Variants in THOC7 observed in about 807,000 individuals in gnomAD.
The protein encoded by THOC7 is NIF3L1-binding protein 1.
In THOC7, 22 loss-of-function variants were observed where a neutral mutation model predicts 33.1. The ratio of observed to expected loss-of-function variants is 0.66; its 90% CI spans 0.47 to 0.95. The LOEUF is 0.95. Ranked by LOEUF, THOC7 falls within the 40% of genes least tolerant of loss-of-function variation. THOC7 has a pLI of 0.00. For missense variants in THOC7, 184 were observed against 245.3 expected (o/e 0.75, Z 1.67); for synonymous variants, 77 against 76.8 (o/e 1.00, Z -0.01).
At chr3:63,849,008 T>C (rs1701966823) in intron 1 of THOC7, among the ~76,000 whole-genome samples, 1 of 152,264 alleles carries the variant, frequency 6.6e-6, no homozygotes, top group African/African-American at 2.4e-5. Context: ...ACAAAGAATC[T>C]GTTCTCTTTA....
chr3:63,863,870 A>C, upstream of THOC7: 6 of 1,182,008 alleles, frequency 5.1e-6, no homozygotes, highest in Non-Finnish European at 5.2e-6. Context: ...AACTCCCACA[A>C]TGCAGCCGGG....
chr3:63,848,709 C>A (rs1260711451), intron 1 of THOC7: 1 of 152,126 alleles, frequency 6.6e-6, no homozygotes, highest in Non-Finnish European at 1.5e-5. Flanking sequence ...TCAAACAGAG[C>A]ACGAATTAAT....
chr3:63,841,625 A>T (rs928006186), intron 1 of THOC7, among the ~76,000 whole-genome samples: 1 of 152,216 alleles, frequency 6.6e-6, no homozygotes, highest in Non-Finnish European at 1.5e-5. Context: ...TCTCAGAGTC[A>T]TGGCTTTGAC....
chr3:63,839,067 A>C (rs1258299043), intron 2 of THOC7, among the ~76,000 whole-genome samples: 1 of 152,078 alleles, frequency 6.6e-6, no homozygotes, highest in Admixed American at 6.5e-5. Context: ...TTGCATGCCT[A>C]TAATCCCAGC....
intron 1 of THOC7, chr3:63,863,452 G>C (rs546724768): frequency 2.3e-5 from 26 of 1,137,104 alleles, no homozygotes; most frequent in Non-Finnish European, 2.8e-5. Flanking sequence ...GCTTCTAGCC[G>C]TCTCGGCCAC....
In THOC7 at chr3:63,834,077, A is replaced by G; in HGVS notation, c.*55T>C. On this transcript the variant is annotated 3_prime_UTR_variant, in exon 8 of 8. Transcript: ENST00000295899. Reference sequence around the variant, plus strand: ...CAAGAGCATACCACATTTTAAACACATTATGGTCATGTAGCTATTTCAATA... The same window carrying G: ...CAAGAGCATACCACATTTTAAACACGTTATGGTCATGTAGCTATTTCAATA... 6.3e-7 allele frequency: 1 copy of G among 1,579,854 alleles called. No individual in the cohort carries two copies. The highest frequency in any genetic ancestry group is 8.7e-7 in the Non-Finnish European group (1 of 1,150,542).
upstream of THOC7, among the ~76,000 whole-genome samples, chr3:63,864,158 G>A (rs1286088320): frequency 6.7e-6 from 1 of 149,750 alleles, no homozygotes; most frequent in Non-Finnish European, 1.5e-5. Context: ...CCAGCCGCCA[G>A]GTGAGCTCGC....
intron 3 of THOC7, 70 bp from the exon 4 acceptor site, chr3:63,838,132 T>A: frequency 7.1e-7 from 1 of 1,409,212 alleles, no homozygotes; most frequent in Non-Finnish European, 9.7e-7. Context: ...TTAAAACGCA[T>A]TTATAAATTA....
chr3:63,857,249 C>T (rs1025585484), intron 1 of THOC7, among the ~76,000 whole-genome samples: 3 of 152,146 alleles, frequency 2.0e-5, no homozygotes, highest in African/African-American at 7.2e-5. Context: ...CTTGAATTTA[C>T]TGACATGTAG....
intron 2 of THOC7, 107 bp downstream of exon 2, chr3:63,839,549 C>A: frequency 1.1e-6 from 1 of 915,362 alleles, no homozygotes; most frequent in Non-Finnish European, 1.8e-6. Flanking sequence ...GTTGACTCCA[C>A]TGTACATTTA....
rs572379048 is a variant in THOC7 at position 63,844,957 on chromosome 3, A to G, written c.20-5184T>C. The G allele has an allele frequency of 6.3e-5, 39 of 614,798 alleles. No individual in the cohort carries two copies. The South Asian group carries it at 7.3e-4, about 11-fold the overall frequency. The allele number at this position is 614,798 out of a possible 1,614,324, so 38.1% of individuals were successfully genotyped here. A position where few individuals can be genotyped will look rare whatever the true frequency, so the allele number is the denominator to read the frequency against. ...AATGTGGAAGCGGCAAGTGTTGCCCAAGTCTAGAATCATAAATAAAGACAA... is the reference window on the plus strand; with the variant it reads ...AATGTGGAAGCGGCAAGTGTTGCCCGAGTCTAGAATCATAAATAAAGACAA... On this transcript the variant is annotated intron_variant, in intron 1 of 7. Coordinates refer to ENST00000295899, the MANE Select transcript of THOC7 (RefSeq NM_025075.4).
intron 1 of THOC7, among the ~76,000 whole-genome samples, chr3:63,841,239 T>C (rs571202466): frequency 6.6e-6 from 1 of 152,186 alleles, no homozygotes; most frequent in Non-Finnish European, 1.5e-5. Flanking sequence ...CACACATGCA[T>C]GTGTGTATTC....
chr3:63,841,813 C>T (rs1007259441), intron 1 of THOC7, among the ~76,000 whole-genome samples: 3 of 152,106 alleles, frequency 2.0e-5, no homozygotes, highest in Non-Finnish European at 2.9e-5. Context: ...TTTCTTACTA[C>T]AAATGTTTTA....
chr3:63,857,119 G>A (rs1702129577), intron 1 of THOC7, among the ~76,000 whole-genome samples: 1 of 152,166 alleles, frequency 6.6e-6, no homozygotes, highest in Non-Finnish European at 1.5e-5. Context: ...TCAAACTCAG[G>A]AGTCAGGCTC....
Position 63,838,468 on chromosome 3 carries a change from G to T in THOC7, c.169C>A (p.Leu57Met), listed in dbSNP as rs376353845. 6.2e-7 allele frequency: 1 copy of T among 1,609,582 alleles called. No homozygotes were observed. Among genetic ancestry groups the T allele is most frequent in the Non-Finnish European group, 8.5e-7 (1 of 1,178,770 alleles). ...CCCATTGAAAATTCACATTGAGACA[G>T]CGTGCTCAGCATACGTTGGTACTGG... Reference protein sequence around the residue: ...YSQYQRMLSTLSQCEFSMGKT... With the variant: ...YSQYQRMLSTMSQCEFSMGKT... The change falls in exon 3 of 8, where the codon CTG (leucine) becomes ATG (methionine). Residue 57 changes from leucine to methionine, a missense_variant. Leu to Met is a conservative substitution (Grantham distance 15). Around this residue, in one of 3 missense-constraint regions of THOC7, gnomAD observed 157 missense variants for 201.3 expected, o/e 0.78. Coordinates refer to ENST00000295899, the MANE Select transcript of THOC7 (RefSeq NM_025075.4).
rs146878357 is a variant in THOC7 at position 63,855,018 on chromosome 3, A to G, written c.19+8754T>C. ...GCGAGACTCCGTCTCAAAAAAAAAA[A>G]AAAGAAAGAAAAGGAGGCAGCAATT... On this transcript the variant is annotated intron_variant, in intron 1 of 7. Transcript: ENST00000295899. Among the ~76,000 whole-genome samples the G allele has an allele frequency of 7.4e-3, 1,127 of 152,218 alleles. 15 individuals are homozygous for G. The highest frequency in any genetic ancestry group is 0.023 in the African/African-American group (976 of 41,554).
intron 7 of THOC7, among the ~76,000 whole-genome samples, chr3:63,834,751 G>A (rs1370380017): frequency 6.6e-6 from 1 of 151,910 alleles, no homozygotes; most frequent in Non-Finnish European, 1.5e-5. Flanking sequence ...CTTGCCTATA[G>A]TGAATATAAA....
At chr3:63,840,835 A>G (rs1006285397) in intron 1 of THOC7, among the ~76,000 whole-genome samples, 2 of 152,252 alleles carry the variant, frequency 1.3e-5, no homozygotes, top group African/African-American at 4.8e-5. Context: ...TTTATACACT[A>G]ATAAAATGCA....
chr3:63,843,933 GTA>G (rs1223321753), intron 1 of THOC7, among the ~76,000 whole-genome samples: 3 of 151,754 alleles, frequency 2.0e-5, no homozygotes, highest in East Asian at 1.9e-4. Context: ...GGATGTGTGT[GTA>G]TATATATATG....
Sources: allele counts gnomAD v4.1 joint callset (sites outside exome capture counted in the v4.1 genomes callset), GRCh38; gene constraint gnomAD v4.1.1; regional missense constraint gnomAD v4.1.1; transcripts MANE v1.5; gene names NCBI Gene and HGNC (gene_info 2026-07-23, HGNC 2026-07-21).